The following SCFD2 variants were observed in gnomAD, a reference collection of about 807,000 sequenced individuals.
SCFD2 encodes sec1 family domain containing 2.
Under a neutral mutation model 58.9 loss-of-function variants are expected in SCFD2, and 54 were observed. The ratio of observed to expected loss-of-function variants is 0.92; its 90% CI spans 0.74 to 1.15. The LOEUF (loss-of-function observed/expected upper bound fraction) is 1.15, where lower values mean the gene tolerates loss of function less well. Ranked by LOEUF, SCFD2 falls within the 50% of genes most tolerant of loss-of-function variation. SCFD2 has a pLI of 0.00. For missense variants in SCFD2, 805 were observed against 836.6 expected (o/e 0.96, Z 0.47); for synonymous variants, 321 against 335.9 (o/e 0.96, Z 0.49).
intron 3 of SCFD2, among the ~76,000 whole-genome samples, chr4:53,278,323 C>G (rs1361394434): frequency 6.7e-6 from 1 of 149,022 alleles, no homozygotes; most frequent in Non-Finnish European, 1.5e-5. Context: ...TGCACCACTG[C>G]ATTCCAGCCT....
At chr4:52,896,619 G>A (rs1378318057) in intron 7 of SCFD2, among the ~76,000 whole-genome samples, 1 of 152,158 alleles carries the variant, frequency 6.6e-6, no homozygotes, top group Non-Finnish European at 1.5e-5. Flanking sequence ...TGTTCTTTTG[G>A]CTTAGGATTG....
intron 3 of SCFD2, among the ~76,000 whole-genome samples, chr4:53,286,765 T>C (rs1241968237): frequency 6.6e-6 from 1 of 152,100 alleles, no homozygotes; most frequent in African/African-American, 2.4e-5. Flanking sequence ...ACCCTGCCTC[T>C]CTGGGAAGTT....
intron 5 of SCFD2, among the ~76,000 whole-genome samples, chr4:53,133,486 A>G (rs1725853551): frequency 6.6e-6 from 1 of 152,236 alleles, no homozygotes; most frequent in Non-Finnish European, 1.5e-5. Flanking sequence ...CAAAACGTCC[A>G]TGCCTTGTGC....
chr4:53,258,975 G>C (rs1730744337), intron 4 of SCFD2, among the ~76,000 whole-genome samples: 1 of 152,086 alleles, frequency 6.6e-6, no homozygotes, highest in Admixed American at 6.5e-5. Flanking sequence ...CTGATAATTT[G>C]TGATGTTGAG....
At chr4:52,906,496 C>T (rs1411820272) in intron 7 of SCFD2, among the ~76,000 whole-genome samples, 1 of 152,166 alleles carries the variant, frequency 6.6e-6, no homozygotes. Flanking sequence ...TTTGGAGAGG[C>T]TGATTACACT....
intron 4 of SCFD2, among the ~76,000 whole-genome samples, chr4:53,245,340 T>C (rs756172947): frequency 1.3e-5 from 2 of 152,144 alleles, no homozygotes; most frequent in East Asian, 1.9e-4. Context: ...TTGGTGAACA[T>C]TGATGCAAAA....
intron 2 of SCFD2, among the ~76,000 whole-genome samples, chr4:53,316,070 C>A (rs1431679637): frequency 2.0e-5 from 3 of 152,170 alleles, no homozygotes; most frequent in African/African-American, 7.2e-5. Context: ...TAAAACATCA[C>A]CTTATCAGAG....
intron 5 of SCFD2, among the ~76,000 whole-genome samples, chr4:52,969,815 G>T (rs148491135): frequency 6.6e-6 from 1 of 152,264 alleles, no homozygotes; most frequent in East Asian, 1.9e-4. Flanking sequence ...ATGTTAACTG[G>T]AGCAAAACCT....
intron 4 of SCFD2, among the ~76,000 whole-genome samples, chr4:53,162,885 T>A (rs1726896871): frequency 6.6e-6 from 1 of 151,534 alleles, no homozygotes. Context: ...AATAAATAAA[T>A]AAATAAAAAT....
intron 5 of SCFD2, among the ~76,000 whole-genome samples, chr4:52,971,875 G>A (rs1165114960): frequency 2.6e-5 from 4 of 152,178 alleles, no homozygotes; most frequent in Admixed American, 6.5e-5. Context: ...CATTCTTAAA[G>A]AAAAGAATTT....
At chr4:53,359,724 C>A (rs964263461) in intron 1 of SCFD2, among the ~76,000 whole-genome samples, 4 of 152,208 alleles carry the variant, frequency 2.6e-5, no homozygotes, top group African/African-American at 9.6e-5. Context: ...AGCTGATAGT[C>A]ATGAGCTTCC....
At chr4:53,111,822 AT>A (rs1725181636) in intron 5 of SCFD2, among the ~76,000 whole-genome samples, 1 of 152,164 alleles carries the variant, frequency 6.6e-6, no homozygotes. Context: ...AAAAATTAAG[AT>A]AAAACATCAT....
At chr4:52,925,129 G>A (rs1163552068) in intron 5 of SCFD2, among the ~76,000 whole-genome samples, 1 of 152,118 alleles carries the variant, frequency 6.6e-6, no homozygotes, top group East Asian at 1.9e-4. Flanking sequence ...CCACAGAGAA[G>A]TTAAGTAACA....
chr4:52,979,505 ATCATTAAT>A (rs1721328997), intron 5 of SCFD2, among the ~76,000 whole-genome samples: 1 of 152,082 alleles, frequency 6.6e-6, no homozygotes, highest in Admixed American at 6.5e-5. Flanking sequence ...GGTGATTGAA[ATCATTAAT>A]TCAGAAATAA....
chr4:53,050,402 G>C (rs1382139517), intron 5 of SCFD2, among the ~76,000 whole-genome samples: 2 of 152,174 alleles, frequency 1.3e-5, no homozygotes, highest in African/African-American at 2.4e-5. Flanking sequence ...ATCAAGATAG[G>C]TTGTAGAGGA....
chr4:53,218,662 C>T lies in SCFD2; in HGVS notation c.1311+55164G>A, dbSNP rs189711584. Among the ~76,000 whole-genome samples, 6 of 152,332 alleles carry T rather than the reference C, an allele frequency of 3.9e-5. No individual in the cohort carries two copies. The East Asian group carries it at 9.6e-4, about 24-fold the overall frequency. On this transcript the variant is annotated intron_variant, in intron 4 of 8. Transcript: ENST00000401642. ...CAACTCGTCAAAGACATTCTCCGTCCAGCTTTCTTCCGTTGCTGGCGACGA... is the reference window on the plus strand; with the variant it reads ...CAACTCGTCAAAGACATTCTCCGTCTAGCTTTCTTCCGTTGCTGGCGACGA...
chr4:53,318,476 ACT>A (rs754879431), intron 2 of SCFD2, among the ~76,000 whole-genome samples: 24 of 152,042 alleles, frequency 1.6e-4, no homozygotes, highest in Non-Finnish European at 3.2e-4. Context: ...CTTCAGCAGG[ACT>A]CTACCTAACC....
chr4:53,364,830 C>A (rs1734646800), intron 1 of SCFD2, among the ~76,000 whole-genome samples: 1 of 152,182 alleles, frequency 6.6e-6, no homozygotes, highest in Non-Finnish European at 1.5e-5. Context: ...TCAGCATAAT[C>A]TTGGGCTAAA....
intron 7 of SCFD2, among the ~76,000 whole-genome samples, chr4:52,892,426 A>G (rs145485036): frequency 2.6e-4 from 40 of 152,084 alleles, no homozygotes; most frequent in African/African-American, 8.9e-4. Context: ...CAAACATCCA[A>G]TGGCACTTCA....
Sources: gnomAD v4.1 joint callset for allele counts (sites outside exome capture counted in the v4.1 genomes callset) on GRCh38, gnomAD v4.1.1 for gene constraint, MANE v1.5 for transcripts, NCBI Gene and HGNC (gene_info 2026-07-23, HGNC 2026-07-21) for gene names.